Variants in PSME2 observed in about 807,000 individuals in gnomAD.
The protein encoded by PSME2 is proteasome activator subunit 2, also known as proteasome activator complex subunit 2.
PSME2 carries 20 observed loss-of-function variants against 38.8 expected under a neutral mutation model. That is an observed-to-expected ratio of 0.52 (90% CI 0.36 to 0.75). The LOEUF is 0.75. Ranked by LOEUF, PSME2 falls within the 30% of genes least tolerant of loss-of-function variation. The probability of loss-of-function intolerance (pLI) is 0.00; values close to 1 mark genes in which losing one functional copy is unlikely to be tolerated. For synonymous variants in PSME2, 82 were observed against 102.5 expected, an observed-to-expected ratio of 0.80 and a Z score of 1.21; for missense variants, 227 against 287.6, an observed-to-expected ratio of 0.79 and a Z score of 1.52.
At chr14:24,145,842 G>A (rs1168165872) in intron 2 of PSME2, 70 bp from the exon 3 acceptor site, 2 of 1,499,178 alleles carry the variant, frequency 1.3e-6, no homozygotes, top group African/African-American at 1.4e-5. Flanking sequence ...AATGGAACTG[G>A]AAGGGCCTTT....
Position 24,146,599 on chromosome 14 carries a change from A to C in PSME2, c.-18T>G, listed in dbSNP as rs1198760892. ...TTGGCCATGCTGCTTCAGTCGCTAG[A>C]TCTCTGGTCTCCCGGCTAGTCGCCC... On this transcript the variant is annotated 5_prime_UTR_variant, in exon 1 of 11. Coordinates refer to ENST00000216802, the MANE Select transcript of PSME2 (RefSeq NM_002818.3). 1.2e-6 allele frequency: 2 copies of C among 1,612,446 alleles called. No homozygotes were observed. Among genetic ancestry groups the C allele is most frequent in the Non-Finnish European group, 1.7e-6 (2 of 1,179,984 alleles).
In PSME2 at chr14:24,145,543, A is replaced by G. The variant is rs940111582; in HGVS notation, c.145-78T>C. 1.0e-5 allele frequency: 15 copies of G among 1,481,266 alleles called. No homozygotes were observed. The East Asian group carries it at 2.0e-4, about 20-fold the overall frequency. The allele number at this position is 1,481,266 out of a possible 1,614,324, so 91.8% of individuals were successfully genotyped here. On this transcript the variant is annotated intron_variant, in intron 3 of 10. Transcript: ENST00000216802. ...TCACAGCCTTCCCTCCATACATCCCACTTGCACTCTGCCTCCCAACCTAGG... is the reference window on the plus strand; with the variant it reads ...TCACAGCCTTCCCTCCATACATCCCGCTTGCACTCTGCCTCCCAACCTAGG...
Position 24,146,246 on chromosome 14 carries a change from CAGAG to C in PSME2, c.49-10_49-7del. The C allele has an allele frequency of 6.2e-7, 1 of 1,613,782 alleles. No individual in the cohort carries two copies. Among genetic ancestry groups the C allele is most frequent in the South Asian group, 1.1e-5 (1 of 91,068 alleles). ...TTCTGTCTGAAGACCTCCACCTACACAGAGAGCAGTACCCGGATGTTGGTTAAGG... is the reference window on the plus strand; with the variant it reads ...TTCTGTCTGAAGACCTCCACCTACACAGCAGTACCCGGATGTTGGTTAAGG... On this transcript the variant is annotated splice_region_variant and splice_polypyrimidine_tract_variant and intron_variant, in intron 1 of 10. Transcript: ENST00000216802.
In PSME2 at chr14:24,144,488, G is replaced by A; in HGVS notation, c.361-20C>T. 3 of 1,594,798 alleles carry A rather than the reference G, an allele frequency of 1.9e-6. No homozygotes were observed. The highest frequency in any genetic ancestry group is 4.5e-5 in the East Asian group (2 of 44,780). ...AATCACCTGTGTTAAGAGGTATCATGTAAGAATCATTCAACAAACATACTG... is the reference window on the plus strand; with the variant it reads ...AATCACCTGTGTTAAGAGGTATCATATAAGAATCATTCAACAAACATACTG... On this transcript the variant is annotated intron_variant, in intron 6 of 10. Coordinates refer to ENST00000216802, the MANE Select transcript of PSME2 (RefSeq NM_002818.3).
rs115467147 is a variant in PSME2 at position 24,146,002 on chromosome 14, C to T, written c.81+206G>A. On this transcript the variant is annotated intron_variant, in intron 2 of 10. Coordinates refer to ENST00000216802, the MANE Select transcript of PSME2 (RefSeq NM_002818.3). Reference sequence around the variant, plus strand: ...GGTTTTTTTCCTCCACATCAAAAGACGGGAGAAGTGCCAGAAGTCGGGAGA... The same window carrying T: ...GGTTTTTTTCCTCCACATCAAAAGATGGGAGAAGTGCCAGAAGTCGGGAGA... 1.3e-3 allele frequency: 1,054 copies of T among 808,848 alleles called. 5 individuals carry two copies. The African/African-American group carries it at 0.015, about 12-fold the overall frequency. 50.1% of individuals were successfully genotyped at this position (808,848 alleles called of 1,614,324 possible). A position where few individuals can be genotyped will look rare whatever the true frequency, so the allele number is the denominator to read the frequency against.
chr14:24,146,159 A>G, intron 2 of PSME2, 49 bp downstream of exon 2: 1 of 1,597,566 alleles, frequency 6.3e-7, no homozygotes, highest in Non-Finnish European at 8.6e-7. Flanking sequence ...GTTATCCTCA[A>G]GTATTGGTCC....
In PSME2 at chr14:24,145,420, G is replaced by T. The variant is rs778228601; in HGVS notation, c.190C>A (p.Leu64Met). ...VADLTSLRAP[L>M]DIPIPDPPPK... is the part of the protein sequence containing the mutation. ...GGAGGGTCTGGGATGGGGATGTCCAGTGGGGCCCGGAGGGAAGTCAAGTCA... is the reference window on the plus strand; with the variant it reads ...GGAGGGTCTGGGATGGGGATGTCCATTGGGGCCCGGAGGGAAGTCAAGTCA... Residue 64 changes from leucine to methionine, a missense_variant, in exon 4 of 11, where the codon CTG (leucine) becomes ATG (methionine). Leu to Met is a conservative substitution (Grantham distance 15). Around this residue, in one of 3 missense-constraint regions of PSME2, gnomAD observed 80 missense variants for 77.3 expected, o/e 1.04. Transcript: ENST00000216802. 6.4e-7 allele frequency: 1 copy of T among 1,569,000 alleles called. No individual in the cohort carries two copies. The highest frequency in any genetic ancestry group is 1.2e-5 in the South Asian group (1 of 82,478).
chr14:24,144,967 G>C, intron 6 of PSME2, 91 bp downstream of exon 6: 6 of 1,291,254 alleles, frequency 4.6e-6, no homozygotes, highest in Non-Finnish European at 6.7e-6. Flanking sequence ...TCAGGACTAG[G>C]TCTCTGTATG....
chr14:24,146,126 TG>T (rs201485409), intron 2 of PSME2, 81 bp downstream of exon 2: 20 of 1,527,782 alleles, frequency 1.3e-5, no homozygotes, highest in Admixed American at 3.4e-5. Flanking sequence ...TAGGGTGACT[TG>T]GGGGGGTCAT....
Position 24,145,400 on chromosome 14 carries a change from G to A in PSME2, c.210C>T (p.Asp70=). 6.3e-7 allele frequency: 1 copy of A among 1,583,808 alleles called. No individual in the cohort carries two copies. Among genetic ancestry groups the A allele is most frequent in the South Asian group, 1.2e-5 (1 of 85,158 alleles). Residue 70 remains aspartate (D), a synonymous_variant, in exon 4 of 11, where the codon GAC becomes GAT. Coordinates refer to ENST00000216802, the MANE Select transcript of PSME2 (RefSeq NM_002818.3). ...LRAPLDIPIP[D]PPPKDDEMET... ...TCACCTCATCATCCTTGGGTGGAGGGTCTGGGATGGGGATGTCCAGTGGGG... is the reference window on the plus strand; with the variant it reads ...TCACCTCATCATCCTTGGGTGGAGGATCTGGGATGGGGATGTCCAGTGGGG...
At position 24,143,427 on chromosome 14, in the gene PSME2, T is replaced by G. The variant is rs1458067752; in HGVS notation, c.702A>C (p.Glu234Asp). The G allele has an allele frequency of 6.2e-7, 1 of 1,614,086 alleles. No homozygotes were observed. The highest frequency in any genetic ancestry group is 1.7e-5 in the Admixed American group (1 of 60,028). ...LEKIVNPKGEEKPSMY is the reference protein window; with the variant it reads ...LEKIVNPKGEDKPSMY The stretch of plus-strand genomic sequence containing the variant: ...CCCGGGTTCAGTACATAGATGGCTT[T>G]TCTTCACCCTTTGGGTTGACAATTT... The change falls in exon 11 of 11, where the codon GAA becomes GAC. Residue 234 changes from glutamate to aspartate, a missense_variant. By Grantham distance (45) the Glu-to-Asp change is conservative (BLOSUM62 2). Coordinates refer to ENST00000216802, the MANE Select transcript of PSME2 (RefSeq NM_002818.3). The surrounding 1 kb of genome is among the most constrained non-coding windows in gnomAD (Gnocchi z 4.4).
chr14:24,144,512 T>A, intron 6 of PSME2, 44 bp from the exon 7 acceptor site: 1 of 1,555,976 alleles, frequency 6.4e-7, no homozygotes. Flanking sequence ...ACAAACATAC[T>A]GAGTTCTTCC....
chr14:24,144,209 G>C lies in PSME2; in HGVS notation c.480C>G (p.Phe160Leu). The change falls in exon 8 of 11, where the codon TTC (phenylalanine) becomes TTG (leucine). Residue 160 changes from phenylalanine to leucine, a missense_variant. By Grantham distance (22) the Phe-to-Leu change is conservative. Coordinates refer to ENST00000216802, the MANE Select transcript of PSME2 (RefSeq NM_002818.3). ...VNAVKTKVEA[F>L]QTTISKYFSE... Reference sequence around the variant, plus strand: ...GCCCTCACTTGGAAATGGTTGTCTGGAAAGCTTCCACTTTGGTCTTGACGG... The same window carrying C: ...GCCCTCACTTGGAAATGGTTGTCTGCAAAGCTTCCACTTTGGTCTTGACGG... 1 of 1,614,220 alleles carries C rather than the reference G, an allele frequency of 6.2e-7. No individual in the cohort carries two copies. Among genetic ancestry groups the C allele is most frequent in the Non-Finnish European group, 8.5e-7 (1 of 1,180,046 alleles).
At position 24,145,551 on chromosome 14, in the gene PSME2, T is replaced by A. The variant is rs2038139305; in HGVS notation, c.145-86A>T. On this transcript the variant is annotated intron_variant, in intron 3 of 10. Coordinates refer to ENST00000216802, the MANE Select transcript of PSME2 (RefSeq NM_002818.3). ...TTCCCTCCATACATCCCACTTGCAC[T>A]CTGCCTCCCAACCTAGGCTCATGCC... 8.2e-6 allele frequency: 12 copies of A among 1,467,560 alleles called. No homozygotes were observed. In the South Asian group the frequency reaches 1.4e-4, roughly 17 times the overall value. 90.9% of individuals were successfully genotyped at this position (1,467,560 alleles called of 1,614,324 possible).
At position 24,146,245 on chromosome 14, in the gene PSME2, A is replaced by G. The variant is rs998347883; in HGVS notation, c.49-5T>C. ...ATTCTGTCTGAAGACCTCCACCTAC[A>G]CAGAGAGCAGTACCCGGATGTTGGT... On this transcript the variant is annotated splice_region_variant and splice_polypyrimidine_tract_variant and intron_variant, in intron 1 of 10. Transcript: ENST00000216802. The G allele has an allele frequency of 4.3e-6, 7 of 1,613,762 alleles. No individual in the cohort carries two copies. Among genetic ancestry groups the G allele is most frequent in the Non-Finnish European group, 5.9e-6 (7 of 1,179,712 alleles).
In PSME2 at chr14:24,143,793, T is replaced by A; in HGVS notation, c.553-122A>T. Reference sequence around the variant, plus strand: ...CCCTTCTTAGCACCAAGAAATAGGATCCCAAAGGACTGAGCAGAGAAAAGG... The same window carrying A: ...CCCTTCTTAGCACCAAGAAATAGGAACCCAAAGGACTGAGCAGAGAAAAGG... On this transcript the variant is annotated intron_variant, in intron 9 of 10. Coordinates refer to ENST00000216802, the MANE Select transcript of PSME2 (RefSeq NM_002818.3). This position sits in a 1 kb window ranked among gnomAD's most constrained non-coding sequence, Gnocchi z 4.4. The A allele has an allele frequency of 7.7e-7, 1 of 1,302,074 alleles. No homozygotes were observed. Among genetic ancestry groups the A allele is most frequent in the Non-Finnish European group, 1.1e-6 (1 of 914,626 alleles). 80.7% of individuals were successfully genotyped at this position (1,302,074 alleles called of 1,614,324 possible).
At position 24,143,882 on chromosome 14, in the gene PSME2, A is replaced by G. The variant is rs1221388234; in HGVS notation, c.552+93T>C. The G allele has an allele frequency of 6.7e-7, 1 of 1,489,068 alleles. No individual in the cohort carries two copies. Among genetic ancestry groups the G allele is most frequent in the African/African-American group, 1.4e-5 (1 of 72,180 alleles). The allele number at this position is 1,489,068 out of a possible 1,614,324, so 92.2% of individuals were successfully genotyped here. On this transcript the variant is annotated intron_variant, in intron 9 of 10. Coordinates refer to ENST00000216802, the MANE Select transcript of PSME2 (RefSeq NM_002818.3). The surrounding 1 kb of genome is among the most constrained non-coding windows in gnomAD (Gnocchi z 4.4). ...ATGCTTTTAGCTTAATATTCTCCAC[A>G]TTGGGAAAGTCACAAACAAGACAAG...
At chr14:24,146,372 C>T (rs992046389) in intron 1 of PSME2, 132 bp from the exon 2 acceptor site, 2 of 1,427,354 alleles carry the variant, frequency 1.4e-6, no homozygotes, top group African/African-American at 2.8e-5. Context: ...GAAGCTCCTG[C>T]TCACTGCAGT....
chr14:24,146,420 G>T, intron 1 of PSME2, 114 bp downstream of exon 1: 1 of 1,464,448 alleles, frequency 6.8e-7, no homozygotes. Flanking sequence ...AGAAGTGAAG[G>T]CACTAGCGAG....
Sources: allele counts gnomAD v4.1 joint callset, GRCh38; gene constraint gnomAD v4.1.1; regional missense constraint gnomAD v4.1.1; non-coding constraint Gnocchi (gnomAD v3.1); transcripts MANE v1.5; gene names NCBI Gene and HGNC (gene_info 2026-07-23, HGNC 2026-07-21).